The following RAP1GDS1 variants were observed in gnomAD, a reference collection of about 807,000 sequenced individuals.
RAP1GDS1 encodes Rap1 GTPase-GDP dissociation stimulator 1, also known as RAP1, GTP-GDP dissociation stimulator 1.
In RAP1GDS1, 35 loss-of-function variants were observed where a neutral mutation model predicts 71.1. The observed-to-expected ratio is 0.49, with a 90% CI of 0.38 to 0.65. RAP1GDS1 has a LOEUF of 0.65. RAP1GDS1 is among the 30% of genes least tolerant of loss of function. The pLI is 0.00. For missense variants in RAP1GDS1, 663 were observed against 706.1 expected (o/e 0.94, Z 0.69); for synonymous variants, 229 against 243.1 (o/e 0.94, Z 0.54).
rs1301507076 is a variant in RAP1GDS1 at position 98,341,264 on chromosome 4, A to G, written c.113-1875A>G. On this transcript the variant is annotated intron_variant, in intron 2 of 14. Transcript: ENST00000408927. ...AAACCAGGTTATGTTTTTCCCTTTT[A>G]TTTCTTTGACAATAGCAGTGAAAAT... Among the ~76,000 whole-genome samples the G allele has an allele frequency of 2.0e-5, 3 of 152,218 alleles. No homozygotes were observed. The South Asian group carries it at 6.2e-4, about 32-fold the overall frequency.
At chr4:98,333,255 A>G (rs1437555012) in intron 2 of RAP1GDS1, among the ~76,000 whole-genome samples, 1 of 152,024 alleles carries the variant, frequency 6.6e-6, no homozygotes, top group Non-Finnish European at 1.5e-5. Context: ...ATACATTTTT[A>G]TGCTTTCATC....
intron 3 of RAP1GDS1, among the ~76,000 whole-genome samples, chr4:98,345,404 T>C (rs1344952693): frequency 6.6e-6 from 1 of 152,238 alleles, no homozygotes; most frequent in Non-Finnish European, 1.5e-5. Context: ...ACCTTTGTGC[T>C]GACATTCAAA....
intron 6 of RAP1GDS1, chr4:98,396,205 A>G (rs1744524723): frequency 1.3e-5 from 2 of 152,294 alleles, no homozygotes; most frequent in African/African-American, 4.8e-5. Flanking sequence ...CCAATATTGG[A>G]AATTACGTTT....
intron 1 of RAP1GDS1, among the ~76,000 whole-genome samples, chr4:98,264,031 A>G (rs983591808): frequency 1.3e-5 from 2 of 152,218 alleles, no homozygotes; most frequent in African/African-American, 4.8e-5. Context: ...TCATGTACAC[A>G]TAAGAAGGTA....
chr4:98,391,798 A>G lies in RAP1GDS1; in HGVS notation c.509-154A>G, dbSNP rs183124278. Among the ~76,000 whole-genome samples the G allele has an allele frequency of 1.4e-3, 217 of 152,328 alleles. 2 individuals are homozygous for G. The South Asian group carries it at 0.018, about 13-fold the overall frequency. ...TCTGAACTAATGTTTAAAATGTTCA[A>G]CACAATCATATGAATGGACTTCATT... On this transcript the variant is annotated intron_variant, in intron 5 of 14. Coordinates refer to ENST00000408927, the MANE Select transcript of RAP1GDS1 (RefSeq NM_001100427.2).
At chr4:98,274,848 C>T (rs1723974537) in intron 1 of RAP1GDS1, among the ~76,000 whole-genome samples, 1 of 152,082 alleles carries the variant, frequency 6.6e-6, no homozygotes, top group Admixed American at 6.6e-5. Flanking sequence ...AGTATTGCTC[C>T]CAGTGTCCTC....
chr4:98,300,402 CTT>C (rs59924491), intron 2 of RAP1GDS1, among the ~76,000 whole-genome samples: 5 of 144,440 alleles, frequency 3.5e-5, no homozygotes, highest in East Asian at 2.0e-4. Context: ...GTAGACAGAA[CTT>C]TTTTTTTTTT....
chr4:98,372,223 C>T (rs959533246), intron 4 of RAP1GDS1, among the ~76,000 whole-genome samples: 5 of 151,892 alleles, frequency 3.3e-5, no homozygotes, highest in Non-Finnish European at 5.9e-5. Flanking sequence ...CGTGCTGTGG[C>T]GCGATCTCGG....
chr4:98,325,285 A>G (rs1435593709), intron 2 of RAP1GDS1, among the ~76,000 whole-genome samples: 1 of 150,596 alleles, frequency 6.6e-6, no homozygotes, highest in Non-Finnish European at 1.5e-5. Flanking sequence ...GGTGCTGGAG[A>G]GGATGTGGAG....
intron 2 of RAP1GDS1, among the ~76,000 whole-genome samples, chr4:98,308,248 A>T (rs966267668): frequency 1.4e-5 from 2 of 146,206 alleles, no homozygotes; most frequent in Admixed American, 1.4e-4. Context: ...ATGTGTATAT[A>T]CATGTATATA....
chr4:98,266,821 AT>A (rs1722770992), intron 1 of RAP1GDS1, among the ~76,000 whole-genome samples: 1 of 152,152 alleles, frequency 6.6e-6, no homozygotes. Context: ...AACCAAAATG[AT>A]TTTGCTTTCA....
chr4:98,429,620 AC>A (rs1363862014), intron 12 of RAP1GDS1, among the ~76,000 whole-genome samples: 2 of 152,080 alleles, frequency 1.3e-5, no homozygotes, highest in Non-Finnish European at 2.9e-5. Context: ...GTAACCAAAC[AC>A]CACCTGTTCC....
chr4:98,276,782 G>A (rs565389479), intron 1 of RAP1GDS1, among the ~76,000 whole-genome samples: 3 of 152,220 alleles, frequency 2.0e-5, no homozygotes, highest in East Asian at 1.9e-4. Flanking sequence ...AATGAGTTTT[G>A]CCCTAAGAAT....
chr4:98,292,182 A>C (rs965796988), intron 1 of RAP1GDS1, among the ~76,000 whole-genome samples: 11 of 150,584 alleles, frequency 7.3e-5, no homozygotes, highest in Admixed American at 6.6e-4. Context: ...GTTAGAGTGC[A>C]GTGGAGCAAT....
intron 2 of RAP1GDS1, among the ~76,000 whole-genome samples, chr4:98,338,370 T>C (rs2110386106): frequency 6.6e-6 from 1 of 152,284 alleles, no homozygotes; most frequent in East Asian, 1.9e-4. Flanking sequence ...TTCTGTTGCA[T>C]AAAAGGAGAG....
intron 1 of RAP1GDS1, among the ~76,000 whole-genome samples, chr4:98,281,922 C>T (rs913328590): frequency 3.3e-5 from 5 of 151,990 alleles, no homozygotes; most frequent in Non-Finnish European, 7.4e-5. Context: ...TATTGATTTG[C>T]GTGTGTTGAA....
chr4:98,291,649 T>G (rs1726940362), intron 1 of RAP1GDS1, among the ~76,000 whole-genome samples: 2 of 152,210 alleles, frequency 1.3e-5, no homozygotes, highest in South Asian at 4.1e-4. Flanking sequence ...GGCCTCTATT[T>G]GTAGAGTCAC....
chr4:98,441,874 A>G, intron 14 of RAP1GDS1, 116 bp from the exon 15 acceptor site: 6 of 1,167,854 alleles, frequency 5.1e-6, no homozygotes, highest in Non-Finnish European at 6.9e-6. Context: ...GTCTTTTTCC[A>G]GAATTGTTTC....
At chr4:98,313,202 A>G (rs371692972) in intron 2 of RAP1GDS1, among the ~76,000 whole-genome samples, 22 of 151,700 alleles carry the variant, frequency 1.5e-4, no homozygotes, top group African/African-American at 4.8e-4. Flanking sequence ...AACTCTGAAG[A>G]CTGTCTGTTA....
Sources: allele counts gnomAD v4.1 joint callset (sites outside exome capture counted in the v4.1 genomes callset), GRCh38; gene constraint gnomAD v4.1.1; transcripts MANE v1.5; gene names NCBI Gene and HGNC (gene_info 2026-07-23, HGNC 2026-07-21).